The following UEVLD variants were observed in gnomAD, a reference collection of about 807,000 sequenced individuals.
The protein encoded by UEVLD is UEV and lactate/malate dehyrogenase domains, also known as ubiquitin-conjugating enzyme E2 variant 3.
A neutral mutation model predicts 58.6 loss-of-function variants in UEVLD; 47 were observed. The observed-to-expected ratio is 0.80, with a 90% CI of 0.63 to 1.02. The LOEUF (loss-of-function observed/expected upper bound fraction) is 1.02. Among genes scored for constraint, UEVLD ranks in the 50% least tolerant of loss-of-function variants. The pLI is 0.00. For missense variants in UEVLD, 510 were observed against 550.6 expected, an observed-to-expected ratio of 0.93 and a Z score of 0.74; for synonymous variants, 197 against 195.3, an observed-to-expected ratio of 1.01 and a Z score of -0.07.
chr11:18,569,286 T>C (rs772123162), intron 4 of UEVLD, among the ~76,000 whole-genome samples: 5 of 152,208 alleles, frequency 3.3e-5, no homozygotes, highest in African/African-American at 1.2e-4. Context: ...AACCAATGTA[T>C]AGAAGATAAG....
chr11:18,574,433 C>G (rs541036758), intron 3 of UEVLD, among the ~76,000 whole-genome samples: 1 of 152,296 alleles, frequency 6.6e-6, no homozygotes, highest in East Asian at 1.9e-4. Context: ...CCACCACACC[C>G]GGCAAGAACA....
At chr11:18,540,317 C>T (rs952119226) in intron 9 of UEVLD, among the ~76,000 whole-genome samples, 1 of 152,178 alleles carries the variant, frequency 6.6e-6, no homozygotes, top group African/African-American at 2.4e-5. Flanking sequence ...ATATTTAATA[C>T]ACATAGTAGG....
In UEVLD at chr11:18,578,820, A is replaced by C. The variant is rs1456043604; in HGVS notation, c.43-12T>G. 1 of 1,553,790 alleles carries C rather than the reference A, an allele frequency of 6.4e-7. No individual in the cohort carries two copies. The highest frequency in any genetic ancestry group is 1.2e-5 in the South Asian group (1 of 84,684). On this transcript the variant is annotated splice_polypyrimidine_tract_variant and intron_variant, in intron 1 of 11. Transcript: ENST00000396197. ...TCCCTGAACTTGTACTGAAAAGAGA[A>C]AAATAAGCATGGAGTAAGAATAAAG...
At chr11:18,570,748 A>G (rs1852560031) in intron 3 of UEVLD, 1 of 145,394 alleles carries the variant, frequency 6.9e-6, no homozygotes, top group Middle Eastern at 3.4e-3. Context: ...ACTGTTTCAA[A>G]AAAAAAAAAA....
intron 7 of UEVLD, among the ~76,000 whole-genome samples, chr11:18,551,485 C>A (rs1397277628): frequency 2.0e-5 from 3 of 148,512 alleles, no homozygotes; most frequent in Non-Finnish European, 4.5e-5. Flanking sequence ...ATTCAACAAA[C>A]CCCTACTAAG....
intron 10 of UEVLD, among the ~76,000 whole-genome samples, chr11:18,535,039 A>T (rs1410772418): frequency 6.6e-6 from 1 of 152,252 alleles, no homozygotes; most frequent in Non-Finnish European, 1.5e-5. Flanking sequence ...GTAGATTTAC[A>T]TGTACAATGT....
chr11:18,534,491 A>T, intron 10 of UEVLD, 38 bp from the exon 11 acceptor site: 1 of 1,542,526 alleles, frequency 6.5e-7, no homozygotes, highest in Non-Finnish European at 8.6e-7. Flanking sequence ...AAAATGCATA[A>T]AATATGCACA....
chr11:18,537,066 T>G (rs765692789), intron 9 of UEVLD, among the ~76,000 whole-genome samples: 29 of 151,310 alleles, frequency 1.9e-4, no homozygotes, highest in East Asian at 3.9e-4. Context: ...CTGCTAATTT[T>G]TGTGTGTGTG....
chr11:18,580,181 A>C (rs1565143677), intron 1 of UEVLD, among the ~76,000 whole-genome samples: 1 of 152,148 alleles, frequency 6.6e-6, no homozygotes, highest in Non-Finnish European at 1.5e-5. Context: ...ACAGGTTATC[A>C]TCAAAAGGAG....
At position 18,558,211 on chromosome 11, in the gene UEVLD, A is replaced by C. The variant is rs766300513; in HGVS notation, c.715+17T>G. On this transcript the variant is annotated intron_variant, in intron 7 of 11. Coordinates refer to ENST00000396197, the MANE Select transcript of UEVLD (RefSeq NM_001040697.4). ...AAGATCTAATAAGGCATACATCTTT[A>C]AGCAGAATAAACAGACCTTTGCTGA... 6.3e-7 allele frequency: 1 copy of C among 1,589,980 alleles called. No individual in the cohort carries two copies. The highest frequency in any genetic ancestry group is 1.1e-5 in the South Asian group (1 of 88,020).
At chr11:18,541,842 G>C (rs1201720441) in intron 9 of UEVLD, among the ~76,000 whole-genome samples, 3 of 152,180 alleles carry the variant, frequency 2.0e-5, no homozygotes, top group African/African-American at 7.2e-5. Flanking sequence ...CAAAGCTGTG[G>C]GGTGGGCCTG....
intron 1 of UEVLD, chr11:18,587,730 G>C (rs1324984920): frequency 1.3e-5 from 2 of 152,116 alleles, no homozygotes; most frequent in Non-Finnish European, 1.5e-5. Context: ...TTGAACCCGG[G>C]AGGTGGAGGT....
At chr11:18,563,103 CAA>C (rs111514140) in intron 6 of UEVLD, among the ~76,000 whole-genome samples, 20 of 119,904 alleles carry the variant, frequency 1.7e-4, no homozygotes, top group Admixed American at 1.7e-4. Context: ...TTGTGCTTAC[CAA>C]AAAAAAAAAA....
intron 1 of UEVLD, among the ~76,000 whole-genome samples, chr11:18,582,274 G>A (rs911092233): frequency 1.3e-5 from 2 of 151,996 alleles, no homozygotes; most frequent in Admixed American, 6.6e-5. Flanking sequence ...CTCTTCTCGG[G>A]ACTTAAAAAC....
intron 10 of UEVLD, among the ~76,000 whole-genome samples, chr11:18,536,082 C>A (rs1158394316): frequency 6.6e-6 from 1 of 152,126 alleles, no homozygotes; most frequent in Admixed American, 6.5e-5. Context: ...TGCAGTGAGC[C>A]GAGATCGCGC....
At chr11:18,556,371 G>A (rs2133999453) in intron 7 of UEVLD, among the ~76,000 whole-genome samples, 1 of 152,294 alleles carries the variant, frequency 6.6e-6, no homozygotes, top group Admixed American at 6.5e-5. Flanking sequence ...TCCAGAGAAG[G>A]AAAATGAACT....
Position 18,531,374 on chromosome 11 carries a change from A to G in UEVLD, c.*946T>C, listed in dbSNP as rs755713134. 6.6e-6 allele frequency: 1 copy of G among 152,236 alleles called. No individual in the cohort carries two copies. The highest frequency in any genetic ancestry group is 1.5e-5 in the Non-Finnish European group (1 of 68,036). The allele number at this position is 152,236 out of a possible 1,614,324, so 9.4% of individuals were successfully genotyped here. On this transcript the variant is annotated 3_prime_UTR_variant, in exon 12 of 12. Coordinates refer to ENST00000396197, the MANE Select transcript of UEVLD (RefSeq NM_001040697.4). ...CTATTAGTTGTATGTCACAATAGTA[A>G]TAATAAGCTATCTTTCACATAAGAA...
At chr11:18,566,917 T>C (rs1211610772) in intron 4 of UEVLD, among the ~76,000 whole-genome samples, 3 of 152,250 alleles carry the variant, frequency 2.0e-5, no homozygotes, top group African/African-American at 7.2e-5. Context: ...TCTCCTTTTT[T>C]TAACTTTTCA....
At chr11:18,552,062 A>G (rs1393394276) in intron 7 of UEVLD, among the ~76,000 whole-genome samples, 1 of 152,238 alleles carries the variant, frequency 6.6e-6, no homozygotes, top group African/African-American at 2.4e-5. Flanking sequence ...GTCTGAATAT[A>G]CTGAAGACAC....
Sources: gnomAD v4.1 joint callset for allele counts (sites outside exome capture counted in the v4.1 genomes callset) on GRCh38, gnomAD v4.1.1 for gene constraint, MANE v1.5 for transcripts, NCBI Gene and HGNC (gene_info 2026-07-23, HGNC 2026-07-21) for gene names.